The following FAM135B variants were observed in gnomAD, a reference collection of about 807,000 sequenced individuals.
FAM135B encodes family with sequence similarity 135 member B.
In FAM135B, 43 loss-of-function variants were observed where a neutral mutation model predicts 127.7. The ratio of observed to expected loss-of-function variants is 0.34; its 90% CI spans 0.26 to 0.43. The LOEUF (loss-of-function observed/expected upper bound fraction) is 0.43, where lower values mean the gene tolerates loss of function less well. FAM135B is among the 20% of genes least tolerant of loss of function. The probability of loss-of-function intolerance (pLI) is 1.00; values close to 1 mark genes in which losing one functional copy is unlikely to be tolerated. For synonymous variants in FAM135B, 670 were observed against 665.1 expected, an observed-to-expected ratio of 1.01 and a Z score of -0.11; for missense variants, 1,558 against 1,725.6, an observed-to-expected ratio of 0.90 and a Z score of 1.72.
At chr8:138,329,030 C>T (rs1251874653) in intron 2 of FAM135B, among the ~76,000 whole-genome samples, 4 of 152,122 alleles carry the variant, frequency 2.6e-5, no homozygotes, top group Admixed American at 6.5e-5. Context: ...GTACAAGTAA[C>T]GGTTTATGCA....
At chr8:138,494,333 A>G (rs1262725176) in intron 1 of FAM135B, among the ~76,000 whole-genome samples, 3 of 152,244 alleles carry the variant, frequency 2.0e-5, no homozygotes, top group Non-Finnish European at 4.4e-5. Context: ...TGGCTGCACC[A>G]GGTGCTGCAG....
chr8:138,216,519 T>C (rs963803298), intron 7 of FAM135B, among the ~76,000 whole-genome samples: 2 of 152,146 alleles, frequency 1.3e-5, no homozygotes, highest in African/African-American at 4.8e-5. Flanking sequence ...TAAGGGGTGC[T>C]GGGTAATGCC....
At chr8:138,479,788 GGATA>G (rs1225275870) in intron 1 of FAM135B, among the ~76,000 whole-genome samples, 1 of 152,002 alleles carries the variant, frequency 6.6e-6, no homozygotes, top group Non-Finnish European at 1.5e-5. Context: ...AATATTTTTT[GGATA>G]AATAAATGAA....
chr8:138,240,310 G>C (rs1421438789), intron 7 of FAM135B, among the ~76,000 whole-genome samples: 2 of 152,132 alleles, frequency 1.3e-5, no homozygotes, highest in African/African-American at 4.8e-5. Flanking sequence ...TATGTCATTT[G>C]TAACAGAGTC....
chr8:138,149,035 C>T (rs7829233), intron 13 of FAM135B, among the ~76,000 whole-genome samples: 103,544 of 149,962 alleles, frequency 0.69, 35,801 homozygotes, highest in East Asian at 0.76. Context: ...ACGTAAATGA[C>T]GAGTTAATGG....
At chr8:138,214,201 G>T (rs886071006) in intron 7 of FAM135B, among the ~76,000 whole-genome samples, 1 of 152,096 alleles carries the variant, frequency 6.6e-6, no homozygotes, top group East Asian at 1.9e-4. Context: ...CTTGGGAACT[G>T]CTCTGCCATA....
intron 7 of FAM135B, among the ~76,000 whole-genome samples, chr8:138,218,519 T>C (rs1455116161): frequency 6.6e-6 from 1 of 152,184 alleles, no homozygotes; most frequent in East Asian, 1.9e-4. Flanking sequence ...TCCTGGCGTC[T>C]CAGATCCCCT....
chr8:138,265,063 C>T (rs1366472487), intron 4 of FAM135B, among the ~76,000 whole-genome samples: 1 of 152,178 alleles, frequency 6.6e-6, no homozygotes, highest in Non-Finnish European at 1.5e-5. Flanking sequence ...AATCAAGTTT[C>T]CAACTAATAA....
At chr8:138,375,962 G>A (rs905547121) in intron 1 of FAM135B, among the ~76,000 whole-genome samples, 1 of 152,068 alleles carries the variant, frequency 6.6e-6, no homozygotes, top group Non-Finnish European at 1.5e-5. Context: ...CATCAACTGG[G>A]TTCAGCCTTC....
intron 1 of FAM135B, among the ~76,000 whole-genome samples, chr8:138,394,855 G>T (rs1832771983): frequency 6.6e-6 from 1 of 152,166 alleles, no homozygotes; most frequent in Admixed American, 6.5e-5. Context: ...CAGCACTCGA[G>T]TTAATTGCCA....
chr8:138,495,087 T>C (rs997017335), intron 1 of FAM135B, among the ~76,000 whole-genome samples: 8 of 152,368 alleles, frequency 5.3e-5, no homozygotes, highest in Admixed American at 5.2e-4. Flanking sequence ...GGATGTTTAA[T>C]GATTTGCCAA....
At chr8:138,371,999 G>C (rs975694259) in intron 1 of FAM135B, among the ~76,000 whole-genome samples, 5 of 152,330 alleles carry the variant, frequency 3.3e-5, no homozygotes, top group Admixed American at 2.0e-4. Context: ...GGGTGATCCA[G>C]TGACAATCAC....
intron 1 of FAM135B, among the ~76,000 whole-genome samples, chr8:138,490,227 A>G (rs1486600716): frequency 6.6e-6 from 1 of 152,230 alleles, no homozygotes; most frequent in African/African-American, 2.4e-5. Flanking sequence ...GAGTACCTGT[A>G]TTCAAGTTTT....
At chr8:138,161,504 A>C (rs1819388030) in intron 12 of FAM135B, among the ~76,000 whole-genome samples, 1 of 152,242 alleles carries the variant, frequency 6.6e-6, no homozygotes, top group South Asian at 2.1e-4. Context: ...AAACAAAAAA[A>C]AGGACTGGAT....
intron 1 of FAM135B, among the ~76,000 whole-genome samples, chr8:138,447,368 C>T (rs77447884): frequency 7.6e-4 from 116 of 151,926 alleles, no homozygotes; most frequent in Non-Finnish European, 1.2e-3. Flanking sequence ...ATGTTTATTG[C>T]GGCACTATTC....
intron 1 of FAM135B, among the ~76,000 whole-genome samples, chr8:138,489,825 A>C (rs2131695229): frequency 6.6e-6 from 1 of 152,166 alleles, no homozygotes; most frequent in South Asian, 2.1e-4. Flanking sequence ...CCGACTCCTT[A>C]TCCCACGTTT....
chr8:138,163,095 G>C (rs1270129710), intron 12 of FAM135B, among the ~76,000 whole-genome samples: 1 of 152,202 alleles, frequency 6.6e-6, no homozygotes, highest in African/African-American at 2.4e-5. Context: ...CTAATGAATA[G>C]TGTTAGTTAA....
At chr8:138,139,705 G>A (rs527811069) in intron 17 of FAM135B, among the ~76,000 whole-genome samples, 1 of 152,326 alleles carries the variant, frequency 6.6e-6, no homozygotes, top group African/African-American at 2.4e-5. Context: ...GGCAGAGCTT[G>A]CAGTGAGTCG....
At chr8:138,466,173 C>A (rs139052053) in intron 1 of FAM135B, among the ~76,000 whole-genome samples, 2 of 152,278 alleles carry the variant, frequency 1.3e-5, no homozygotes, top group Admixed American at 6.5e-5. Flanking sequence ...ATGCAGAGGA[C>A]CTGGAAGGGG....
Sources: allele counts gnomAD v4.1 joint callset (sites outside exome capture counted in the v4.1 genomes callset), GRCh38; gene constraint gnomAD v4.1.1; transcripts MANE v1.5; gene names NCBI Gene and HGNC (gene_info 2026-07-23, HGNC 2026-07-21).